The following KCNJ16 variants were observed in gnomAD, a reference collection of about 807,000 sequenced individuals.
KCNJ16 encodes inward rectifier potassium channel 16.
A neutral mutation model predicts 18.5 loss-of-function variants in KCNJ16; 15 were observed. The observed-to-expected ratio is 0.81, with a 90% CI of 0.54 to 1.25. KCNJ16 has a LOEUF of 1.25. Among genes scored for constraint, KCNJ16 ranks in the 50% most tolerant of loss-of-function variants. KCNJ16 has a pLI of 0.00. For synonymous variants in KCNJ16, 174 were observed against 186.5 expected (o/e 0.93, Z 0.55); for missense variants, 523 against 525.7 (o/e 0.99, Z 0.05).
intron 2 of KCNJ16, among the ~76,000 whole-genome samples, chr17:70,110,314 C>T (rs2073130743): frequency 6.6e-6 from 1 of 152,102 alleles, no homozygotes; most frequent in Non-Finnish European, 1.5e-5. Flanking sequence ...CTGATCACAG[C>T]TTGATAGTGT....
intron 1 of KCNJ16, among the ~76,000 whole-genome samples, chr17:70,099,326 GTTTATC>G (rs754695445): frequency 4.5e-4 from 68 of 152,246 alleles, no homozygotes; most frequent in Admixed American, 1.5e-3. Context: ...ACTACAAAAT[GTTTATC>G]TTTATGTGAA....
intron 2 of KCNJ16, among the ~76,000 whole-genome samples, chr17:70,106,228 A>T (rs58468835): frequency 0.081 from 12,326 of 152,018 alleles, 569 homozygotes; most frequent in African/African-American, 0.12. Context: ...TATTTTTTTT[A>T]AAAAAGATTA....
intron 2 of KCNJ16, among the ~76,000 whole-genome samples, chr17:70,117,345 A>G (rs1220050709): frequency 6.6e-6 from 1 of 152,176 alleles, no homozygotes; most frequent in Non-Finnish European, 1.5e-5. Flanking sequence ...AACTAACCTC[A>G]GCATCACACC....
chr17:70,087,932 C>CT (rs1296120180), intron 1 of KCNJ16, among the ~76,000 whole-genome samples: 3 of 141,272 alleles, frequency 2.1e-5, no homozygotes, highest in Non-Finnish European at 4.5e-5. Flanking sequence ...AGGTGAATCG[C>CT]TTGAACCTGG....
chr17:70,075,836 C>T (rs1410304181), intron 1 of KCNJ16, among the ~76,000 whole-genome samples: 5 of 41,212 alleles, frequency 1.2e-4, no homozygotes, highest in East Asian at 0.01. Flanking sequence ...AGAAAATACA[C>T]GTTAACTTTT....
chr17:70,130,531 T>C (rs2074019606), intron 2 of KCNJ16, among the ~76,000 whole-genome samples: 1 of 152,174 alleles, frequency 6.6e-6, no homozygotes, highest in Non-Finnish European at 1.5e-5. Flanking sequence ...AGTGGTGCAT[T>C]AAACAAAGAG....
intron 1 of KCNJ16, among the ~76,000 whole-genome samples, chr17:70,080,586 A>ATT (rs1020274410): frequency 6.6e-6 from 1 of 151,754 alleles, no homozygotes; most frequent in South Asian, 2.1e-4. Context: ...TGTAAGGTTT[A>ATT]TTTTTTTTAA....
Position 70,134,436 on chromosome 17 carries a change from A to G in KCNJ16, c.*1092A>G, listed in dbSNP as rs1276443535. The G allele has an allele frequency of 6.0e-6, 1 of 167,068 alleles. No individual in the cohort carries two copies. Among genetic ancestry groups the G allele is most frequent in the African/African-American group, 2.4e-5 (1 of 41,470 alleles). 10.3% of individuals were successfully genotyped at this position (167,068 alleles called of 1,614,324 possible). A position where few individuals can be genotyped will look rare whatever the true frequency, so the allele number is the denominator to read the frequency against. ...GAAACTCTTTTATTAAACTTGGAAC[A>G]ACCATTTAAATGAAGGATTTTGTGA... On this transcript the variant is annotated 3_prime_UTR_variant, in exon 4 of 4. Coordinates refer to ENST00000392671, the MANE Select transcript of KCNJ16 (RefSeq NM_170741.4).
chr17:70,112,070 C>A (rs1168812092), intron 2 of KCNJ16, among the ~76,000 whole-genome samples: 3 of 152,116 alleles, frequency 2.0e-5, no homozygotes, highest in African/African-American at 4.8e-5. Flanking sequence ...GAAGTGGAGA[C>A]CCCCTTTGCT....
chr17:70,103,986 A>G (rs1239160718), intron 2 of KCNJ16, among the ~76,000 whole-genome samples: 9 of 135,014 alleles, frequency 6.7e-5, no homozygotes, highest in Middle Eastern at 9.1e-3. Context: ...CCTGGGCTGG[A>G]GTTCAGTGGT....
chr17:70,076,679 A>T (rs1281892941), intron 1 of KCNJ16, among the ~76,000 whole-genome samples: 1 of 152,172 alleles, frequency 6.6e-6, no homozygotes, highest in Non-Finnish European at 1.5e-5. Flanking sequence ...AGAGAACAAG[A>T]GTCTTCAAGG....
rs191560507 is a variant in KCNJ16, at chr17:70,116,488, T to C, written c.-190-14391T>C. Among the ~76,000 whole-genome samples, 1,186 of 152,314 alleles carry C rather than the reference T, an allele frequency of 7.8e-3. 6 individuals carry two copies. The highest frequency in any genetic ancestry group is 0.011 in the Non-Finnish European group (741 of 68,030). On this transcript the variant is annotated intron_variant, in intron 2 of 3. Coordinates refer to ENST00000392671, the MANE Select transcript of KCNJ16 (RefSeq NM_170741.4). ...GAGGTTGTACCAGATTCATAGACTA[T>C]TGTCACACATAGCTAGCTTACCTCC... is the stretch of plus-strand genomic sequence containing the variant.
intron 2 of KCNJ16, among the ~76,000 whole-genome samples, chr17:70,123,230 T>C (rs1345326525): frequency 6.6e-6 from 1 of 152,100 alleles, no homozygotes; most frequent in Non-Finnish European, 1.5e-5. Flanking sequence ...CACTCAGGTC[T>C]TTGGAAAGCA....
chr17:70,127,919 C>T (rs970891133), intron 2 of KCNJ16: 2 of 152,164 alleles, frequency 1.3e-5, no homozygotes, highest in Non-Finnish European at 2.9e-5. Flanking sequence ...TGGTGCATCT[C>T]AAAGTATACA....
chr17:70,122,182 T>C (rs1275188439), intron 2 of KCNJ16, among the ~76,000 whole-genome samples: 1 of 152,022 alleles, frequency 6.6e-6, no homozygotes, highest in African/African-American at 2.4e-5. Flanking sequence ...GATACTTTTT[T>C]TTTTTTTTGA....
At chr17:70,092,571 A>T (rs1460791077) in intron 1 of KCNJ16, among the ~76,000 whole-genome samples, 5 of 118,230 alleles carry the variant, frequency 4.2e-5, no homozygotes, top group African/African-American at 1.5e-4. Context: ...ATAGATATAG[A>T]TAGATAGATA....
chr17:70,081,514 C>T (rs1014304613), intron 1 of KCNJ16, among the ~76,000 whole-genome samples: 1 of 152,132 alleles, frequency 6.6e-6, no homozygotes, highest in Non-Finnish European at 1.5e-5. Context: ...ATGCACTTTC[C>T]ACATGCAGGA....
At chr17:70,131,011 A>G (rs2074035971) in intron 3 of KCNJ16, 36 bp downstream of exon 3, 2 of 1,529,088 alleles carry the variant, frequency 1.3e-6, no homozygotes, top group Non-Finnish European at 1.8e-6. Context: ...TGTTTTCAAG[A>G]CTGAATTTGG....
intron 1 of KCNJ16, among the ~76,000 whole-genome samples, chr17:70,089,758 C>T (rs1567780839): frequency 6.6e-6 from 1 of 152,164 alleles, no homozygotes; most frequent in Non-Finnish European, 1.5e-5. Flanking sequence ...TTTATATGTA[C>T]ATAAAAAGAT....
Sources: allele counts gnomAD v4.1 joint callset (sites outside exome capture counted in the v4.1 genomes callset), GRCh38; gene constraint gnomAD v4.1.1; transcripts MANE v1.5; gene names NCBI Gene and HGNC (gene_info 2026-07-23, HGNC 2026-07-21).